The following SCMH1 variants were observed in gnomAD, a reference collection of about 807,000 sequenced individuals.
SCMH1 encodes polycomb protein SCMH1.
Under a neutral mutation model 70.8 loss-of-function variants are expected in SCMH1, and 37 were observed. The observed-to-expected ratio is 0.52, with a 90% confidence interval of 0.40 to 0.69. The LOEUF is 0.69. Among genes scored for constraint, SCMH1 ranks in the 30% least tolerant of loss-of-function variants. The pLI, the probability that SCMH1 is intolerant of heterozygous loss-of-function variation, is 0.00. For missense variants in SCMH1, 607 were observed against 827.3 expected, an observed-to-expected ratio of 0.73 and a Z score of 3.27; for synonymous variants, 292 against 307.4, an observed-to-expected ratio of 0.95 and a Z score of 0.52.
chr1:41,242,047 C>G lies in SCMH1; in HGVS notation c.-118+12G>C, dbSNP rs1438713708. The G allele has an allele frequency of 2.0e-5, 3 of 152,166 alleles. No homozygotes were observed. The highest frequency in any genetic ancestry group is 7.3e-5 in the African/African-American group (3 of 41,272). 9.4% of individuals were successfully genotyped at this position (152,166 alleles called of 1,614,324 possible). A position where few individuals can be genotyped will look rare whatever the true frequency, so the allele number is the denominator to read the frequency against. ...GCTCTTAGGCGGGCGGAGGCGGCCGCGAGGCGCTTACCTGAGGGCGCGGCG... is the reference window on the plus strand; with the variant it reads ...GCTCTTAGGCGGGCGGAGGCGGCCGGGAGGCGCTTACCTGAGGGCGCGGCG... On this transcript the variant is annotated intron_variant, in intron 1 of 14. Transcript: ENST00000337495. The surrounding 1 kb of genome is among the most constrained non-coding windows in gnomAD (Gnocchi z 5.2).
intron 2 of SCMH1, among the ~76,000 whole-genome samples, chr1:41,169,187 G>C (rs954202777): frequency 6.6e-6 from 1 of 152,192 alleles, no homozygotes; most frequent in Non-Finnish European, 1.5e-5. Flanking sequence ...CCCTTGGGTG[G>C]AAGTTATAGA....
chr1:41,181,699 A>G (rs1179235403), intron 2 of SCMH1, among the ~76,000 whole-genome samples: 1 of 152,228 alleles, frequency 6.6e-6, no homozygotes, highest in Admixed American at 6.5e-5. Context: ...TCAGGAAACA[A>G]CAGGTGCTGG....
chr1:41,065,246 A>G (rs931883623), intron 10 of SCMH1, among the ~76,000 whole-genome samples: 2 of 151,994 alleles, frequency 1.3e-5, no homozygotes, highest in African/African-American at 4.8e-5. Context: ...ACTTTGGGAG[A>G]TCAAGGTGGG....
At chr1:41,046,411 T>C (rs770245981) in exon 12 of SCMH1, 1 of 1,613,846 alleles carries the variant, frequency 6.2e-7, no homozygotes. Context: ...TCCTACCTGG[T>C]AGGTACCTGT....
intron 6 of SCMH1, among the ~76,000 whole-genome samples, chr1:41,123,557 GAAGTT>G (rs1186762860): frequency 6.6e-6 from 1 of 152,176 alleles, no homozygotes; most frequent in Non-Finnish European, 1.5e-5. Context: ...TAACTGATCT[GAAGTT>G]AAGGCCTAGA....
At chr1:41,070,855 G>A in intron 9 of SCMH1, 134 bp from the exon 10 acceptor site, 1 of 1,101,848 alleles carries the variant, frequency 9.1e-7, no homozygotes, top group South Asian at 1.6e-5. Flanking sequence ...TCTCTACACA[G>A]CATCTGGCTT....
intron 1 of SCMH1, among the ~76,000 whole-genome samples, chr1:41,192,295 C>A (rs917169751): frequency 3.9e-5 from 6 of 152,056 alleles, no homozygotes; most frequent in African/African-American, 1.4e-4. Context: ...AGTATTTTTA[C>A]CAAATATCTC....
chr1:41,097,994 C>A (rs1388690331), intron 8 of SCMH1, among the ~76,000 whole-genome samples: 1 of 152,148 alleles, frequency 6.6e-6, no homozygotes, highest in East Asian at 1.9e-4. Context: ...TGCATGTTAG[C>A]CCCCTGGAAT....
intron 8 of SCMH1, among the ~76,000 whole-genome samples, chr1:41,101,094 C>T (rs967142593): frequency 4.7e-5 from 7 of 149,660 alleles, no homozygotes; most frequent in Non-Finnish European, 5.9e-5. Context: ...TCAAAAATAG[C>T]GGGGAAAAAA....
Position 41,063,995 on chromosome 1 carries a change from A to G in SCMH1, c.1105+6600T>C, listed in dbSNP as rs898258796. Among the ~76,000 whole-genome samples the G allele has an allele frequency of 2.6e-5, 4 of 152,354 alleles. No homozygotes were observed. In the East Asian group the frequency reaches 7.7e-4, roughly 29 times the overall value. ...ATTTTATCAAGCCAGCATTGTCCTC[A>G]ACAAAGTATTATCAAATCAAATTGA... On this transcript the variant is annotated intron_variant, in intron 10 of 14. Transcript: ENST00000337495.
intron 10 of SCMH1, among the ~76,000 whole-genome samples, chr1:41,062,918 C>CAAAAAAA (rs61144004): frequency 9.1e-6 from 1 of 109,884 alleles, no homozygotes; most frequent in Non-Finnish European, 1.8e-5. Flanking sequence ...GACTCCATCT[C>CAAAAAAA]AAAAAAAAAA....
At chr1:41,138,568 G>A (rs1572512831) in intron 6 of SCMH1, among the ~76,000 whole-genome samples, 1 of 151,706 alleles carries the variant, frequency 6.6e-6, no homozygotes, top group East Asian at 1.9e-4. Context: ...TTTCAGTTGA[G>A]TCTATTGTCC....
At chr1:41,240,912 A>G (rs1310518492) in intron 1 of SCMH1, among the ~76,000 whole-genome samples, 1 of 152,112 alleles carries the variant, frequency 6.6e-6, no homozygotes, top group Non-Finnish European at 1.5e-5. Context: ...GGGATGGGGG[A>G]AACTAAAGCT....
chr1:41,050,612 T>C (rs1234303601), intron 10 of SCMH1, among the ~76,000 whole-genome samples: 1 of 152,120 alleles, frequency 6.6e-6, no homozygotes, highest in African/African-American at 2.4e-5. Context: ...ACAAGATGAA[T>C]TGAACGAATA....
intron 8 of SCMH1, among the ~76,000 whole-genome samples, chr1:41,099,510 T>C: frequency 6.6e-6 from 1 of 152,232 alleles, no homozygotes; most frequent in East Asian, 1.9e-4. Context: ...CTAACGGTTA[T>C]CTCTAAATCT....
chr1:41,155,507 AAAACAAAC>A (rs547168813), intron 4 of SCMH1, among the ~76,000 whole-genome samples: 8 of 151,968 alleles, frequency 5.3e-5, no homozygotes, highest in Non-Finnish European at 5.9e-5. Flanking sequence ...ACATGGAGCA[AAAACAAAC>A]AAACAAACAA....
chr1:41,237,397 T>C (rs1169235679), intron 1 of SCMH1, among the ~76,000 whole-genome samples: 2 of 152,186 alleles, frequency 1.3e-5, no homozygotes, highest in African/African-American at 2.4e-5. Context: ...TCTTTTCAAG[T>C]GTGGAATTTC....
At chr1:41,057,124 C>A (rs1026168604) in intron 10 of SCMH1, among the ~76,000 whole-genome samples, 1 of 152,142 alleles carries the variant, frequency 6.6e-6, no homozygotes, top group East Asian at 1.9e-4. Context: ...GGGCGGGGAC[C>A]AGAAGCACTT....
intron 6 of SCMH1, among the ~76,000 whole-genome samples, chr1:41,118,239 TGTAAA>T (rs1671034275): frequency 1.3e-5 from 2 of 152,194 alleles, no homozygotes; most frequent in Non-Finnish European, 2.9e-5. Flanking sequence ...AAGGTAATGC[TGTAAA>T]GTAAATAGTG....
Sources: allele counts gnomAD v4.1 joint callset (sites outside exome capture counted in the v4.1 genomes callset), GRCh38; gene constraint gnomAD v4.1.1; non-coding constraint Gnocchi (gnomAD v3.1); transcripts MANE v1.5; gene names NCBI Gene and HGNC (gene_info 2026-07-23, HGNC 2026-07-21).